Variants in AGMO observed in about 807,000 individuals in gnomAD.
The protein encoded by AGMO is glyceryl-ether monooxygenase.
Under a neutral mutation model 60.2 loss-of-function variants are expected in AGMO, and 75 were observed. The observed-to-expected ratio is 1.25, with a 90% CI of 1.03 to 1.51. AGMO has a LOEUF of 1.51. Among genes scored for constraint, AGMO ranks in the 40% most tolerant of loss-of-function variants. The probability of loss-of-function intolerance (pLI) is 0.00; values close to 1 mark genes in which losing one functional copy is unlikely to be tolerated. For synonymous variants in AGMO, 261 were observed against 177.1 expected (o/e 1.47, Z -3.76); for missense variants, 763 against 525.5 (o/e 1.45, Z -4.42).
intron 10 of AGMO, among the ~76,000 whole-genome samples, chr7:15,382,717 G>A (rs896690808): frequency 2.0e-5 from 3 of 151,956 alleles, no homozygotes; most frequent in African/African-American, 7.3e-5. Context: ...AATCAATCCT[G>A]GAAACACTTG....
intron 10 of AGMO, among the ~76,000 whole-genome samples, chr7:15,382,284 C>CA (rs1371241505): frequency 2.0e-5 from 3 of 152,154 alleles, no homozygotes; most frequent in Non-Finnish European, 4.4e-5. Flanking sequence ...GATGCCCAGC[C>CA]AAAACATATC....
chr7:15,374,581 C>T (rs1783369903), intron 10 of AGMO, among the ~76,000 whole-genome samples: 1 of 149,102 alleles, frequency 6.7e-6, no homozygotes, highest in Admixed American at 6.8e-5. Flanking sequence ...CTTCACCCTC[C>T]TACCTGGAAA....
chr7:15,447,961 T>C (rs372272308), intron 3 of AGMO, among the ~76,000 whole-genome samples: 4 of 152,224 alleles, frequency 2.6e-5, no homozygotes, highest in African/African-American at 9.6e-5. Flanking sequence ...TTGTTTCTTA[T>C]AGATTATTTG....
chr7:15,337,287 TAAGCC>T, intron 12 of AGMO, among the ~76,000 whole-genome samples: 1 of 152,312 alleles, frequency 6.6e-6, no homozygotes, highest in South Asian at 2.1e-4. Flanking sequence ...AGGAAGGCCT[TAAGCC>T]AAGAATTACT....
chr7:15,130,825 T>C, the AGMO span, among the ~76,000 whole-genome samples: 1 of 152,298 alleles, frequency 6.6e-6, no homozygotes, highest in South Asian at 2.1e-4. Flanking sequence ...TATGTATATA[T>C]ACAAAGATAT....
chr7:15,537,403 T>A (rs939520902), intron 3 of AGMO, among the ~76,000 whole-genome samples: 1 of 152,140 alleles, frequency 6.6e-6, no homozygotes, highest in African/African-American at 2.4e-5. Flanking sequence ...TACATTACGT[T>A]CTAAGACTAA....
At chr7:15,478,775 T>C (rs188564136) in intron 3 of AGMO, among the ~76,000 whole-genome samples, 77 of 152,324 alleles carry the variant, frequency 5.1e-4, no homozygotes, top group Non-Finnish European at 9.4e-4. Context: ...AGATAAGATC[T>C]TAAGCAATTA....
intron 5 of AGMO, among the ~76,000 whole-genome samples, chr7:15,416,555 G>A (rs1780778334): frequency 6.6e-6 from 1 of 152,056 alleles, no homozygotes; most frequent in African/African-American, 2.4e-5. Flanking sequence ...TCCCCTTAGA[G>A]TGAGAACTGA....
intron 12 of AGMO, among the ~76,000 whole-genome samples, chr7:15,302,336 T>C (rs907419310): frequency 6.6e-6 from 1 of 152,182 alleles, no homozygotes; most frequent in Non-Finnish European, 1.5e-5. Flanking sequence ...AACCAAAAAT[T>C]AGACCATGAA....
intron 12 of AGMO, among the ~76,000 whole-genome samples, chr7:15,261,016 A>G (rs546928320): frequency 4.6e-5 from 7 of 152,200 alleles, no homozygotes; most frequent in Admixed American, 3.9e-4. Flanking sequence ...CAGCAAAAGC[A>G]GAGCTAAGAG....
chr7:15,386,942 G>C (rs1406559766), intron 9 of AGMO, among the ~76,000 whole-genome samples: 2 of 152,104 alleles, frequency 1.3e-5, no homozygotes, highest in Non-Finnish European at 2.9e-5. Context: ...AATGAATATA[G>C]TTATGGTTTG....
chr7:15,138,967 A>G, the AGMO span, among the ~76,000 whole-genome samples: 1 of 152,336 alleles, frequency 6.6e-6, no homozygotes, highest in South Asian at 2.1e-4. Flanking sequence ...AAGCTTAATA[A>G]TAAAATAAAT....
chr7:15,548,080 T>C (rs138718774), intron 2 of AGMO, among the ~76,000 whole-genome samples: 2,631 of 151,898 alleles, frequency 0.017, 78 homozygotes, highest in African/African-American at 0.058. Context: ...CGGCAGGGTA[T>C]TCCAACAGAC....
At chr7:15,520,488 A>AAG (rs2128535225) in intron 3 of AGMO, among the ~76,000 whole-genome samples, 1 of 152,316 alleles carries the variant, frequency 6.6e-6, no homozygotes, top group African/African-American at 2.4e-5. Context: ...TGGAAATCAT[A>AAG]ACAAACAGTC....
intron 2 of AGMO, 88 bp downstream of exon 2, chr7:15,560,053 C>A (rs2115317402): frequency 1.6e-6 from 2 of 1,250,810 alleles, no homozygotes; most frequent in East Asian, 2.7e-5. Context: ...TGTAAATAAA[C>A]TAATTCTCCC....
At chr7:15,415,555 T>C (rs1562495748) in intron 5 of AGMO, among the ~76,000 whole-genome samples, 1 of 151,882 alleles carries the variant, frequency 6.6e-6, no homozygotes, top group Non-Finnish European at 1.5e-5. Context: ...AAAAAAAATA[T>C]CATTGAATCA....
intron 12 of AGMO, among the ~76,000 whole-genome samples, chr7:15,225,240 T>G (rs1721402164): frequency 1.3e-5 from 2 of 152,022 alleles, no homozygotes; most frequent in African/African-American, 4.8e-5. Context: ...GCATGAATGC[T>G]CACAACTTTT....
At chr7:15,268,601 A>G (rs1341789147) in intron 12 of AGMO, among the ~76,000 whole-genome samples, 2 of 152,072 alleles carry the variant, frequency 1.3e-5, no homozygotes, top group East Asian at 3.8e-4. Flanking sequence ...CTTTGTTTTA[A>G]AAGAGTGGAT....
chr7:15,185,814 C>T, the AGMO span, among the ~76,000 whole-genome samples: 1 of 152,316 alleles, frequency 6.6e-6, no homozygotes, highest in South Asian at 2.1e-4. Flanking sequence ...TTCAGTACCA[C>T]TGTATTTGAG....
Sources: gnomAD v4.1 joint callset for allele counts (sites outside exome capture counted in the v4.1 genomes callset) on GRCh38, gnomAD v4.1.1 for gene constraint, MANE v1.5 for transcripts, NCBI Gene and HGNC (gene_info 2026-07-23, HGNC 2026-07-21) for gene names.